The following FARP1 variants were observed in gnomAD, a reference collection of about 807,000 sequenced individuals.
FARP1 encodes the protein FERM, ARH/RhoGEF and pleckstrin domain protein 1, also known as FERM, ARHGEF and pleckstrin domain-containing protein 1.
Under a neutral mutation model 128.8 loss-of-function variants are expected in FARP1, and 52 were observed. The ratio of observed to expected loss-of-function variants is 0.40; its 90% CI spans 0.32 to 0.51. The LOEUF (loss-of-function observed/expected upper bound fraction) is 0.51, where lower values mean the gene tolerates loss of function less well. Among genes scored for constraint, FARP1 ranks in the 20% least tolerant of loss-of-function variants. The pLI, the probability that FARP1 is intolerant of heterozygous loss-of-function variation, is 0.45. For missense variants in FARP1, 1,333 were observed against 1,367.9 expected (o/e 0.97, Z 0.40); for synonymous variants, 580 against 551.8 (o/e 1.05, Z -0.72).
intron 2 of FARP1, among the ~76,000 whole-genome samples, chr13:98,289,629 T>A (rs6491412): frequency 0.044 from 6,697 of 152,214 alleles, 491 homozygotes; most frequent in African/African-American, 0.15. Context: ...CTCAAGGAGA[T>A]CACTGTCTCG....
At chr13:98,156,931 A>T (rs1339054876) in intron 1 of FARP1, among the ~76,000 whole-genome samples, 2 of 152,098 alleles carry the variant, frequency 1.3e-5, no homozygotes, top group Non-Finnish European at 2.9e-5. Context: ...AATAGCAAAA[A>T]CCAAATTCCT....
At chr13:98,365,894 G>GATGTGT (rs113549180) in intron 4 of FARP1, among the ~76,000 whole-genome samples, 1 of 148,264 alleles carries the variant, frequency 6.7e-6, no homozygotes, top group African/African-American at 2.5e-5. Context: ...GTGTGTATGT[G>GATGTGT]GTGTGTGTGT....
rs556627746 is a variant in FARP1, at chr13:98,311,929, C to T, written c.172-31833C>T. 1.1e-4 allele frequency among the ~76,000 whole-genome samples: 16 copies of T among 151,282 alleles called. No individual in the cohort carries two copies. In the East Asian group the frequency reaches 2.0e-3, roughly 19 times the overall value. ...CACGATCTTGGCTCACTACAACCTC[C>T]GCCTCCCAGGTTCAAGCAGTTCTCC... On this transcript the variant is annotated intron_variant, in intron 2 of 26. Coordinates refer to ENST00000319562, the MANE Select transcript of FARP1 (RefSeq NM_005766.4).
chr13:98,392,326 A>G (rs1403007252), intron 11 of FARP1, among the ~76,000 whole-genome samples: 1 of 124,512 alleles, frequency 8.0e-6, no homozygotes, highest in Non-Finnish European at 1.7e-5. Flanking sequence ...CTCTACCCAA[A>G]AAAAAAAAAA....
intron 2 of FARP1, among the ~76,000 whole-genome samples, chr13:98,235,840 T>A (rs1176069590): frequency 1.7e-5 from 2 of 118,670 alleles, no homozygotes; most frequent in Non-Finnish European, 3.4e-5. Flanking sequence ...TTTTTTTCCC[T>A]GAGACAGAGT....
chr13:98,166,859 G>A lies in FARP1; in HGVS notation c.-24+23367G>A, dbSNP rs185204585. ...CTACCTCAGCCTCCTAAGAAGCTGA[G>A]ACTATAGGCGTGCACTACCACACCT... On this transcript the variant is annotated intron_variant, in intron 1 of 26. Transcript: ENST00000319562. 3.3e-3 allele frequency among the ~76,000 whole-genome samples: 496 copies of A among 151,958 alleles called. 1 individual carries two copies. The highest frequency in any genetic ancestry group is 0.012 in the African/African-American group (484 of 41,442).
chr13:98,280,890 G>A (rs996584344), intron 2 of FARP1, among the ~76,000 whole-genome samples: 3 of 152,090 alleles, frequency 2.0e-5, no homozygotes, highest in Admixed American at 6.5e-5. Flanking sequence ...TCTGAGAAAA[G>A]CAAAAATACA....
intron 2 of FARP1, among the ~76,000 whole-genome samples, chr13:98,276,781 C>G (rs1884672401): frequency 6.6e-6 from 1 of 152,136 alleles, no homozygotes; most frequent in South Asian, 2.1e-4. Flanking sequence ...CCATTGCTTT[C>G]CCCAAGACCA....
chr13:98,390,918 G>C (rs773471137), intron 11 of FARP1, 38 bp downstream of exon 11: 115 of 1,351,080 alleles, frequency 8.5e-5, no homozygotes, highest in Middle Eastern at 3.6e-4. Flanking sequence ...GTCTGAGAAG[G>C]CTCAGACTCG....
At chr13:98,155,566 G>T (rs1416458201) in intron 1 of FARP1, among the ~76,000 whole-genome samples, 1 of 152,054 alleles carries the variant, frequency 6.6e-6, no homozygotes, top group Non-Finnish European at 1.5e-5. Flanking sequence ...CTGTCACCCA[G>T]GCTTGAGTGT....
At chr13:98,321,071 C>T (rs375370094) in intron 2 of FARP1, among the ~76,000 whole-genome samples, 6 of 152,168 alleles carry the variant, frequency 3.9e-5, no homozygotes, top group South Asian at 2.1e-4. Context: ...CCACCTTTGA[C>T]GTTGTTTGAA....
intron 19 of FARP1, chr13:98,437,971 G>A (rs1233812551): frequency 6.6e-6 from 6 of 910,004 alleles, no homozygotes; most frequent in Non-Finnish European, 1.0e-5. Context: ...TGAGCAGAAT[G>A]GGAAGGTGGG....
intron 24 of FARP1, among the ~76,000 whole-genome samples, chr13:98,442,830 C>T (rs1269848952): frequency 3.3e-5 from 5 of 152,258 alleles, no homozygotes; most frequent in Non-Finnish European, 7.3e-5. Flanking sequence ...GGGGAGGAAC[C>T]GTCTTGGCCT....
intron 3 of FARP1, among the ~76,000 whole-genome samples, chr13:98,350,957 A>G (rs745905140): frequency 4.0e-5 from 6 of 148,894 alleles, no homozygotes; most frequent in Non-Finnish European, 5.9e-5. Flanking sequence ...GAAATGATGC[A>G]GATGAGCCAG....
At chr13:98,288,273 T>C (rs1163407417) in intron 2 of FARP1, among the ~76,000 whole-genome samples, 8 of 152,154 alleles carry the variant, frequency 5.3e-5, no homozygotes, top group Non-Finnish European at 1.0e-4. Flanking sequence ...TGTGTTATTC[T>C]TCAGTGGTTT....
intron 1 of FARP1, among the ~76,000 whole-genome samples, chr13:98,212,172 C>G (rs1039651357): frequency 6.6e-6 from 1 of 152,248 alleles, no homozygotes; most frequent in Non-Finnish European, 1.5e-5. Flanking sequence ...TCTCCTGCCT[C>G]AGCCTCCCAA....
chr13:98,262,003 G>A (rs1159877460), intron 2 of FARP1, among the ~76,000 whole-genome samples: 6 of 142,066 alleles, frequency 4.2e-5, no homozygotes, highest in Non-Finnish European at 6.1e-5. Flanking sequence ...TTGATACTGT[G>A]CCCACCCCCG....
At chr13:98,372,014 T>A (rs1399288361) in intron 5 of FARP1, among the ~76,000 whole-genome samples, 1 of 151,632 alleles carries the variant, frequency 6.6e-6, no homozygotes, top group South Asian at 2.1e-4. Context: ...AGGAGAAGCG[T>A]ATTGACTCCT....
chr13:98,362,558 G>A (rs1481413011), intron 3 of FARP1, among the ~76,000 whole-genome samples: 1 of 152,142 alleles, frequency 6.6e-6, no homozygotes, highest in African/African-American at 2.4e-5. Flanking sequence ...GGCTGTCCAT[G>A]GTGGACATAT....
Sources: allele counts gnomAD v4.1 joint callset (sites outside exome capture counted in the v4.1 genomes callset), GRCh38; gene constraint gnomAD v4.1.1; transcripts MANE v1.5; gene names NCBI Gene and HGNC (gene_info 2026-07-23, HGNC 2026-07-21).